KIAA1217: variants seen among roughly 807,000 people sequenced by gnomAD.
The protein encoded by KIAA1217 is KIAA1217, also known as sickle tail protein homolog.
In KIAA1217, 88 loss-of-function variants were observed where a neutral mutation model predicts 163.9. The observed-to-expected ratio is 0.54, with a 90% CI of 0.45 to 0.64. KIAA1217 has a LOEUF of 0.64. Among genes scored for constraint, KIAA1217 ranks in the 30% least tolerant of loss-of-function variants. The probability of loss-of-function intolerance (pLI) is 0.00; values close to 1 mark genes in which losing one functional copy is unlikely to be tolerated. For missense variants in KIAA1217, 2,372 were observed against 2,475.0 expected (o/e 0.96, Z 0.88); for synonymous variants, 903 against 923.1 (o/e 0.98, Z 0.39).
intron 3 of KIAA1217, among the ~76,000 whole-genome samples, chr10:24,402,523 C>CAAAAAAAAAAAAAAAAAAAAAAA (rs1173653514): frequency 1.4e-5 from 1 of 71,034 alleles, no homozygotes; most frequent in African/African-American, 4.7e-5. Context: ...AAACAAAAAA[C>CAAAAAAAAAAAAAAAAAAAAAAA]AAAACAAAAA....
chr10:23,704,240 T>TATGAC (rs1341414174), intron 1 of KIAA1217, among the ~76,000 whole-genome samples: 1 of 131,406 alleles, frequency 7.6e-6, no homozygotes, highest in Non-Finnish European at 1.6e-5. Flanking sequence ...TAAGGAGAAA[T>TATGAC]ATGACCCCAG....
intron 2 of KIAA1217, among the ~76,000 whole-genome samples, chr10:24,134,535 G>T (rs1354716475): frequency 6.6e-6 from 1 of 152,122 alleles, no homozygotes; most frequent in African/African-American, 2.4e-5. Context: ...CAGATGTCTA[G>T]TTTACAGTAT....
intron 5 of KIAA1217, among the ~76,000 whole-genome samples, chr10:24,455,616 C>A (rs1350045067): frequency 3.9e-5 from 6 of 152,160 alleles, no homozygotes; most frequent in Non-Finnish European, 8.8e-5. Flanking sequence ...TCTTCAGCAG[C>A]CAAAGCTTGC....
At chr10:24,489,041 G>A (rs1382974108) in intron 6 of KIAA1217, among the ~76,000 whole-genome samples, 1 of 152,132 alleles carries the variant, frequency 6.6e-6, no homozygotes, top group Non-Finnish European at 1.5e-5. Context: ...GGTGGGGAGA[G>A]AGATGACAGG....
chr10:24,241,107 G>A (rs377265975), intron 2 of KIAA1217, among the ~76,000 whole-genome samples: 9 of 151,986 alleles, frequency 5.9e-5, no homozygotes, highest in Non-Finnish European at 8.8e-5. Context: ...TTGGCCTCCC[G>A]AAATGCTGGG....
chr10:24,542,562 G>C, intron 17 of KIAA1217, 131 bp from the exon 18 acceptor site: 2 of 1,521,424 alleles, frequency 1.3e-6, no homozygotes, highest in Non-Finnish European at 8.9e-7. Context: ...TGTAGGCTTT[G>C]GATTGGTGTG....
intron 6 of KIAA1217, among the ~76,000 whole-genome samples, chr10:24,490,609 C>T (rs888142828): frequency 1.3e-5 from 2 of 152,154 alleles, no homozygotes; most frequent in African/African-American, 2.4e-5. Context: ...CACACTTTGA[C>T]GATTAAATAG....
intron 2 of KIAA1217, among the ~76,000 whole-genome samples, chr10:24,337,647 TTTC>T (rs1484779903): frequency 0.033 from 1,861 of 55,880 alleles, 87 homozygotes; most frequent in African/African-American, 0.24. Context: ...TTTCTTTTCT[TTTC>T]TTTTTTTTTT....
intron 2 of KIAA1217, among the ~76,000 whole-genome samples, chr10:24,091,790 C>T (rs1379402083): frequency 6.6e-6 from 1 of 151,810 alleles, no homozygotes; most frequent in African/African-American, 2.4e-5. Context: ...TACTGACACC[C>T]CCAAAACCCC....
At chr10:24,141,946 G>A (rs1179556856) in intron 2 of KIAA1217, among the ~76,000 whole-genome samples, 1 of 151,326 alleles carries the variant, frequency 6.6e-6, no homozygotes, top group African/African-American at 2.4e-5. Flanking sequence ...TTAAATTTTT[G>A]TTGTTTATAA....
intron 3 of KIAA1217, among the ~76,000 whole-genome samples, chr10:24,389,962 A>G (rs1004206138): frequency 3.9e-5 from 6 of 152,190 alleles, no homozygotes; most frequent in African/African-American, 1.2e-4. Flanking sequence ...CTGTGCTGGC[A>G]GCTTCCAATC....
At chr10:24,082,129 G>A (rs2061557073) in intron 2 of KIAA1217, among the ~76,000 whole-genome samples, 1 of 152,190 alleles carries the variant, frequency 6.6e-6, no homozygotes, top group African/African-American at 2.4e-5. Flanking sequence ...CCTCTGGTTA[G>A]GAATGACTGA....
At position 24,377,173 on chromosome 10, in the gene KIAA1217, C is replaced by T. The variant is rs189545467; in HGVS notation, c.355-3696C>T. Among the ~76,000 whole-genome samples, 441 of 152,234 alleles carry T rather than the reference C, an allele frequency of 2.9e-3. 1 individual carries two copies. Among genetic ancestry groups the T allele is most frequent in the Middle Eastern group, 6.8e-3 (2 of 294 alleles). On this transcript the variant is annotated intron_variant, in intron 2 of 20. Transcript: ENST00000376454. ...GGTTCAGGTGGCCTGATTATACAGA[C>T]CACCCCCTTCATGCATGACCCCAAA...
At chr10:24,339,607 G>A (rs143746160) in intron 2 of KIAA1217, among the ~76,000 whole-genome samples, 119 of 152,308 alleles carry the variant, frequency 7.8e-4, no homozygotes, top group African/African-American at 2.8e-3. Context: ...TGTTGTACGT[G>A]TGTTTCCACA....
chr10:23,729,090 C>A (rs959705841), intron 1 of KIAA1217, among the ~76,000 whole-genome samples: 1 of 152,132 alleles, frequency 6.6e-6, no homozygotes, highest in Non-Finnish European at 1.5e-5. Context: ...TGCTCACATG[C>A]AGTTAAGGTT....
Position 24,073,429 on chromosome 10 carries a change from G to A in KIAA1217, c.-171+66055G>A, listed in dbSNP as rs577497651. The stretch of plus-strand genomic sequence containing the variant: ...TGAAGAACACTCACATAGATGTCCC[G>A]GAACCAGCTGGATATAGATGGAGCT... On this transcript the variant is annotated intron_variant, in intron 2 of 18. Transcript: ENST00000376462. Among the ~76,000 whole-genome samples, 30 of 152,290 alleles carry A rather than the reference G, an allele frequency of 2.0e-4. No individual in the cohort carries two copies. In the South Asian group the frequency reaches 4.4e-3, roughly 22 times the overall value.
chr10:24,466,370 C>T (rs1399171264), intron 5 of KIAA1217, among the ~76,000 whole-genome samples: 1 of 151,780 alleles, frequency 6.6e-6, no homozygotes. Context: ...TTACCTAGGC[C>T]GTTTAAAGTT....
chr10:24,360,828 C>T (rs1389427787), intron 2 of KIAA1217, among the ~76,000 whole-genome samples: 3 of 151,762 alleles, frequency 2.0e-5, no homozygotes, highest in East Asian at 1.9e-4. Context: ...ATTTTTAAAA[C>T]TCTCAAATCA....
At chr10:24,369,276 ACTGG>A (rs1178328725) in intron 2 of KIAA1217, among the ~76,000 whole-genome samples, 1 of 149,610 alleles carries the variant, frequency 6.7e-6, no homozygotes, top group African/African-American at 2.5e-5. Flanking sequence ...GTTGTTTTGG[ACTGG>A]CGGGAGGGGG....
Sources: allele counts gnomAD v4.1 joint callset (sites outside exome capture counted in the v4.1 genomes callset), GRCh38; gene constraint gnomAD v4.1.1; transcripts MANE v1.5; gene names NCBI Gene and HGNC (gene_info 2026-07-23, HGNC 2026-07-21).